The following PDE1A variants were observed in gnomAD, a reference collection of about 807,000 sequenced individuals.
The protein encoded by PDE1A is phosphodiesterase 1A.
PDE1A carries 35 observed loss-of-function variants against 61.7 expected under a neutral mutation model. The observed-to-expected ratio is 0.57, with a 90% CI of 0.43 to 0.75. The LOEUF (loss-of-function observed/expected upper bound fraction) is 0.75, where lower values mean the gene tolerates loss of function less well. Among genes scored for constraint, PDE1A ranks in the 30% least tolerant of loss-of-function variants. The probability of loss-of-function intolerance (pLI) is 0.00; values close to 1 mark genes in which losing one functional copy is unlikely to be tolerated. For synonymous variants in PDE1A, 232 were observed against 213.2 expected, an observed-to-expected ratio of 1.09 and a Z score of -0.77; for missense variants, 597 against 630.6, an observed-to-expected ratio of 0.95 and a Z score of 0.57.
chr2:182,337,696 T>C (rs1297049302), intron 1 of PDE1A, among the ~76,000 whole-genome samples: 1 of 152,158 alleles, frequency 6.6e-6, no homozygotes, highest in Non-Finnish European at 1.5e-5. Context: ...ACAGCTGATC[T>C]AAAAAGGTCG....
rs12990168 is a variant in PDE1A, at chr2:182,179,785, G to A, written c.1516+6107C>T. On this transcript the variant is annotated intron_variant, in intron 13 of 13. Transcript: ENST00000351439. ...GCCAGTCTCTGTTCAAAGAGCTTGG[G>A]ATACATCAGCAATGGAAACAAACAT... is the stretch of plus-strand genomic sequence containing the variant. Among the ~76,000 whole-genome samples, 1,263 of 152,166 alleles carry A rather than the reference G, an allele frequency of 8.3e-3. 9 individuals are homozygous for A. Among genetic ancestry groups the A allele is most frequent in the Middle Eastern group, 0.02 (6 of 294 alleles).
At chr2:182,566,980 A>G in the PDE1A span, among the ~76,000 whole-genome samples, 2 of 152,210 alleles carry the variant, frequency 1.3e-5, no homozygotes, top group African/African-American at 2.4e-5. Context: ...TGTTTCTTAT[A>G]TAATTATAAT....
the PDE1A span, among the ~76,000 whole-genome samples, chr2:182,557,052 T>A: frequency 6.6e-6 from 1 of 152,156 alleles, no homozygotes; most frequent in Non-Finnish European, 1.5e-5. Context: ...CCCAGCACTT[T>A]GGGAGGCCGA....
At chr2:182,501,742 T>C (rs913426364) in intron 2 of PDE1A, among the ~76,000 whole-genome samples, 2 of 152,126 alleles carry the variant, frequency 1.3e-5, no homozygotes, top group African/African-American at 4.8e-5. Flanking sequence ...CCTCACCCAC[T>C]TTCTCCCTGT....
At chr2:182,214,332 G>A (rs1030369328) in intron 7 of PDE1A, among the ~76,000 whole-genome samples, 27 of 151,750 alleles carry the variant, frequency 1.8e-4, no homozygotes, top group East Asian at 5.8e-4. Flanking sequence ...AAAGACCATC[G>A]AGACTAGGAA....
intron 2 of PDE1A, among the ~76,000 whole-genome samples, chr2:182,433,463 C>T (rs1475522584): frequency 6.6e-6 from 1 of 151,990 alleles, no homozygotes; most frequent in Non-Finnish European, 1.5e-5. Context: ...ATAACAGACC[C>T]AATGTTCAAG....
the PDE1A span, among the ~76,000 whole-genome samples, chr2:182,549,596 T>G: frequency 7.2e-5 from 11 of 152,242 alleles, no homozygotes; most frequent in Middle Eastern, 3.5e-3. Context: ...CTGTCTAGAT[T>G]ATATTTTGTT....
chr2:182,277,785 G>T (rs561880355), intron 1 of PDE1A, among the ~76,000 whole-genome samples: 1 of 152,116 alleles, frequency 6.6e-6, no homozygotes, highest in Admixed American at 6.5e-5. Context: ...ATATTGAGAT[G>T]CACTGAGTTT....
At chr2:182,623,818 A>G in the PDE1A span, among the ~76,000 whole-genome samples, 2 of 152,150 alleles carry the variant, frequency 1.3e-5, no homozygotes, top group African/African-American at 4.8e-5. Flanking sequence ...CTTGAACATT[A>G]TACAAACCCT....
chr2:182,399,137 A>G (rs1225760245), intron 1 of PDE1A, among the ~76,000 whole-genome samples: 1 of 152,006 alleles, frequency 6.6e-6, no homozygotes, highest in Non-Finnish European at 1.5e-5. Flanking sequence ...AGTTTAGCCT[A>G]TAATTAGAAT....
intron 2 of PDE1A, among the ~76,000 whole-genome samples, chr2:182,508,740 A>C (rs1335919370): frequency 7.2e-6 from 1 of 138,130 alleles, no homozygotes; most frequent in Non-Finnish European, 1.6e-5. Context: ...TTTTTTTTTT[A>C]TTTTTTTTTT....
At chr2:182,373,871 G>T (rs1020952726) in intron 1 of PDE1A, among the ~76,000 whole-genome samples, 1 of 152,146 alleles carries the variant, frequency 6.6e-6, no homozygotes, top group Non-Finnish European at 1.5e-5. Flanking sequence ...CACAGGAAAA[G>T]AAATCAGATT....
chr2:182,709,817 A>G, the PDE1A span, among the ~76,000 whole-genome samples: 1 of 152,202 alleles, frequency 6.6e-6, no homozygotes, highest in East Asian at 1.9e-4. Flanking sequence ...TGAAGTAGAG[A>G]TGTGTCTTCA....
chr2:182,411,383 A>G (rs1240243872), intron 1 of PDE1A, among the ~76,000 whole-genome samples: 1 of 152,026 alleles, frequency 6.6e-6, no homozygotes, highest in East Asian at 1.9e-4. Context: ...ATTCCACACA[A>G]TTTACTTACC....
intron 1 of PDE1A, among the ~76,000 whole-genome samples, chr2:182,389,822 C>T (rs895842640): frequency 6.6e-6 from 1 of 152,148 alleles, no homozygotes; most frequent in Non-Finnish European, 1.5e-5. Flanking sequence ...ATAAGGCAGG[C>T]AAAAGAAGGT....
chr2:182,201,461 A>G (rs989297220), exon 10 of PDE1A: 1 of 1,613,802 alleles, frequency 6.2e-7, no homozygotes, highest in Non-Finnish European at 8.5e-7. Context: ...CTCCTCCATT[A>G]GGGCCATGGT....
intron 1 of PDE1A, among the ~76,000 whole-genome samples, chr2:182,417,379 A>G (rs1702985309): frequency 6.6e-6 from 1 of 152,142 alleles, no homozygotes; most frequent in African/African-American, 2.4e-5. Context: ...TTTAAGAAAA[A>G]CACTGATTCC....
At chr2:182,423,947 CTT>C (rs562590310) in intron 1 of PDE1A, among the ~76,000 whole-genome samples, 26 of 134,218 alleles carry the variant, frequency 1.9e-4, no homozygotes, top group Admixed American at 3.0e-4. Flanking sequence ...CTGGATTAAC[CTT>C]TTTTTTTTTT....
At chr2:182,703,503 G>A in the PDE1A span, among the ~76,000 whole-genome samples, 2 of 152,152 alleles carry the variant, frequency 1.3e-5, no homozygotes, top group African/African-American at 4.8e-5. Context: ...TAAAATTTAT[G>A]CCTCCACTCT....
Sources: allele counts gnomAD v4.1 joint callset (sites outside exome capture counted in the v4.1 genomes callset), GRCh38; gene constraint gnomAD v4.1.1; transcripts MANE v1.5; gene names NCBI Gene and HGNC (gene_info 2026-07-23, HGNC 2026-07-21).